The following GUCY2F variants were observed in gnomAD, a reference collection of about 807,000 sequenced individuals.
GUCY2F encodes retinal guanylyl cyclase 2.
Under a neutral mutation model 73.1 loss-of-function variants are expected in GUCY2F, and 61 were observed. The ratio of observed to expected loss-of-function variants is 0.83; its 90% CI spans 0.68 to 1.03. The LOEUF is 1.03. GUCY2F is among the 50% of genes least tolerant of loss of function. The pLI is 0.00. For missense variants in GUCY2F, 912 were observed against 854.3 expected (o/e 1.07, Z -0.84); for synonymous variants, 331 against 307.8 (o/e 1.08, Z -0.79).
chrX:109,425,919 G>A (rs1603382356), intron 8 of GUCY2F, among the ~76,000 whole-genome samples: 1 of 111,315 alleles, frequency 9.0e-6, no homozygotes, highest in South Asian at 3.8e-4. Flanking sequence ...AGAAAGAGAA[G>A]GACATTGGAG....
chrX:109,404,528 ATTTTGT>A, intron 9 of GUCY2F, 44 bp from the exon 10 acceptor site: 1 of 986,337 alleles, frequency 1.0e-6, no homozygotes, highest in Non-Finnish European at 1.4e-6. Flanking sequence ...TCATTTAACT[ATTTTGT>A]GCTTTTAACA....
chrX:109,441,511 T>C (rs767297089), intron 6 of GUCY2F, 29 bp from the exon 7 acceptor site: 2 of 1,094,157 alleles, frequency 1.8e-6, no homozygotes, highest in Admixed American at 2.9e-5. Flanking sequence ...AGAAAAGTTA[T>C]GACCAAAATA....
rs771179596 is a variant in GUCY2F, at chrX:109,397,152, A to T, written c.2275+1397T>A. Among the ~76,000 whole-genome samples the T allele has an allele frequency of 2.1e-4, 23 of 111,597 alleles. No individual in the cohort carries two copies. The South Asian group carries it at 8.0e-3, about 39-fold the overall frequency. ...GAGGCAAGATTGGGAGGAGGTGGAA[A>T]AATTCCACCTCCTAGTATGTGAAAA... On this transcript the variant is annotated intron_variant, in intron 11 of 19. Coordinates refer to ENST00000218006, the MANE Select transcript of GUCY2F (RefSeq NM_001522.3).
At chrX:109,456,994 A>T (rs1317881271) in intron 3 of GUCY2F, among the ~76,000 whole-genome samples, 1 of 112,146 alleles carries the variant, frequency 8.9e-6, no homozygotes, top group Non-Finnish European at 1.9e-5. Context: ...GCTCCAAAAA[A>T]GTAAGACAGA....
intron 6 of GUCY2F, among the ~76,000 whole-genome samples, chrX:109,444,379 C>A (rs1196418031): frequency 2.7e-5 from 3 of 112,248 alleles, no homozygotes; most frequent in African/African-American, 9.7e-5. Context: ...CACATTCAGG[C>A]AGAAGAGCAG....
chrX:109,469,403 T>C (rs1260543011), intron 2 of GUCY2F, among the ~76,000 whole-genome samples: 1 of 111,091 alleles, frequency 9.0e-6, no homozygotes, highest in Non-Finnish European at 1.9e-5. Flanking sequence ...GATTACTGGC[T>C]ATGGTGTCCT....
chrX:109,476,178 C>T (rs1388649820), intron 1 of GUCY2F, among the ~76,000 whole-genome samples, 157 bp from the exon 2 acceptor site: 1 of 111,098 alleles, frequency 9.0e-6, no homozygotes, highest in Non-Finnish European at 1.9e-5. Context: ...CTTCCTGTAC[C>T]CCGTATCTCA....
chrX:109,442,670 C>T (rs1421831651), intron 6 of GUCY2F, among the ~76,000 whole-genome samples: 1 of 111,403 alleles, frequency 9.0e-6, no homozygotes, highest in Non-Finnish European at 1.9e-5. Context: ...AAGACTATCA[C>T]AAAGTTCCAA....
At chrX:109,419,151 A>T (rs1931309277) in intron 8 of GUCY2F, among the ~76,000 whole-genome samples, 1 of 110,908 alleles carries the variant, frequency 9.0e-6, no homozygotes, top group Non-Finnish European at 1.9e-5. Flanking sequence ...GAAATTTATT[A>T]AAAATTTTAA....
At position 109,393,029 on chromosome X, in the gene GUCY2F, C is replaced by CT. The variant is rs1342274944; in HGVS notation, c.2450dup (p.Thr818AspfsTer5). The CT allele has an allele frequency of 9.1e-7, 1 of 1,099,152 alleles. No homozygotes were observed. Among genetic ancestry groups the CT allele is most frequent in the Non-Finnish European group, 1.3e-6 (1 of 799,941 alleles). The allele number at this position is 1,099,152 out of a possible 1,213,427, so 90.6% of individuals were successfully genotyped here. A position where few individuals can be genotyped will look rare whatever the true frequency, so the allele number is the denominator to read the frequency against. On this transcript the variant is annotated frameshift_variant, in exon 13 of 20. Transcript: ENST00000218006. LOFTEE classifies it high-confidence loss of function. ...GAAGCATAGAATCAATAATATTGGT[C>CT]TTCTTCCCTTTATTAAAAGTTTTAA...
At chrX:109,474,817 G>C (rs1932650187) in intron 2 of GUCY2F, among the ~76,000 whole-genome samples, 1 of 111,608 alleles carries the variant, frequency 9.0e-6, no homozygotes, top group South Asian at 3.8e-4. Context: ...TCTCCTCAGT[G>C]ACTAGAACAA....
At chrX:109,375,133 CAA>C (rs915135744) in intron 19 of GUCY2F, among the ~76,000 whole-genome samples, 2 of 103,933 alleles carry the variant, frequency 1.9e-5, no homozygotes, top group African/African-American at 7.1e-5. Flanking sequence ...GTTTCAGGGC[CAA>C]AGTTTCCATG....
intron 3 of GUCY2F, among the ~76,000 whole-genome samples, chrX:109,459,181 A>T (rs1294970578): frequency 8.9e-6 from 1 of 111,791 alleles, no homozygotes; most frequent in African/African-American, 3.3e-5. Context: ...CTCCATATCT[A>T]ATGGTATTAG....
intron 3 of GUCY2F, among the ~76,000 whole-genome samples, chrX:109,454,441 G>A (rs1027624378): frequency 9.0e-6 from 1 of 111,437 alleles, no homozygotes; most frequent in African/African-American, 3.3e-5. Flanking sequence ...GTATGCACAC[G>A]CAGACATCCA....
Position 109,382,110 on chromosome X carries a change from C to T in GUCY2F, c.3150+8G>A. Reference sequence around the variant, plus strand: ...TAGTCTGGCTCAAAAAACAAAAAGACATTATACCTTGAGCTCTGTTCTTCC... The same window carrying T: ...TAGTCTGGCTCAAAAAACAAAAAGATATTATACCTTGAGCTCTGTTCTTCC... On this transcript the variant is annotated splice_region_variant and intron_variant, in intron 17 of 19. Transcript: ENST00000218006. 9.2e-7 allele frequency: 1 copy of T among 1,087,725 alleles called. No individual in the cohort carries two copies. The allele number at this position is 1,087,725 out of a possible 1,213,427, so 89.6% of individuals were successfully genotyped here.
At chrX:109,412,001 A>G (rs188819951) in intron 8 of GUCY2F, among the ~76,000 whole-genome samples, 411 of 112,358 alleles carry the variant, frequency 3.7e-3, no homozygotes, top group Admixed American at 6.5e-3. Context: ...AATGCCTGCC[A>G]GAAAGAATTT....
At position 109,392,920 on chromosome X, in the gene GUCY2F, C is replaced by T. The variant is rs751376770; in HGVS notation, c.2560G>A (p.Glu854Lys). The T allele has an allele frequency of 8.4e-6, 10 of 1,191,204 alleles. No individual in the cohort carries two copies. Among genetic ancestry groups the T allele is most frequent in the Non-Finnish European group, 1.1e-5 (10 of 879,269 alleles). Residue 854 changes from glutamate (E) to lysine (K), a missense_variant, in exon 13 of 20, where the codon GAA becomes AAA. Coordinates refer to ENST00000218006, the MANE Select transcript of GUCY2F (RefSeq NM_001522.3). Reference sequence around the variant, plus strand: ...GGTAGCATCTGTGTTAGAAGCTTTTCCGTTTTCTGTTTTTCAATTTCCAGC... The same window carrying T: ...GGTAGCATCTGTGTTAGAAGCTTTTTCGTTTTCTGTTTTTCAATTTCCAGC... ...EELEIEKQKT[E>K]KLLTQMLPPS...
intron 5 of GUCY2F, 55 bp from the exon 6 acceptor site, chrX:109,448,220 C>G: frequency 1.6e-6 from 1 of 624,641 alleles, no homozygotes; most frequent in Non-Finnish European, 2.7e-6. Flanking sequence ...TTGGCAAAGC[C>G]AGGGTTAATT....
intron 12 of GUCY2F, among the ~76,000 whole-genome samples, chrX:109,393,393 G>A (rs1338570179): frequency 9.1e-6 from 1 of 110,384 alleles, no homozygotes; most frequent in Non-Finnish European, 1.9e-5. Flanking sequence ...ACAGGATTTG[G>A]TCTTGAGCCC....
Sources: gnomAD v4.1 joint callset for allele counts (sites outside exome capture counted in the v4.1 genomes callset) on GRCh38, gnomAD v4.1.1 for gene constraint, MANE v1.5 for transcripts, NCBI Gene and HGNC (gene_info 2026-07-23, HGNC 2026-07-21) for gene names.